ZNF236: variants seen among roughly 807,000 people sequenced by gnomAD.
ZNF236 encodes zinc finger protein 236.
In ZNF236, 50 loss-of-function variants were observed where a neutral mutation model predicts 191.2. The ratio of observed to expected loss-of-function variants is 0.26; its 90% CI spans 0.21 to 0.33. The LOEUF is 0.33. Among genes scored for constraint, ZNF236 ranks in the 10% least tolerant of loss-of-function variants. ZNF236 has a pLI of 1.00. For missense variants in ZNF236, 1,754 were observed against 2,374.5 expected, an observed-to-expected ratio of 0.74 and a Z score of 5.43; for synonymous variants, 907 against 928.8, an observed-to-expected ratio of 0.98 and a Z score of 0.43.
intron 3 of ZNF236, among the ~76,000 whole-genome samples, chr18:76,862,600 C>T (rs1356020039): frequency 6.6e-6 from 1 of 152,192 alleles, no homozygotes; most frequent in Non-Finnish European, 1.5e-5. Context: ...AGGGAGTGTT[C>T]TGATTCTCCC....
intron 9 of ZNF236, chr18:76,887,071 C>T (rs1156522541): frequency 6.5e-6 from 1 of 153,510 alleles, no homozygotes; most frequent in Non-Finnish European, 1.5e-5. Flanking sequence ...GACTGTAGTA[C>T]TTGTTAAAAA....
At chr18:76,828,828 A>T (rs1780549360) in intron 1 of ZNF236, among the ~76,000 whole-genome samples, 1 of 151,990 alleles carries the variant, frequency 6.6e-6, no homozygotes, top group South Asian at 2.1e-4. Context: ...CACCATGCCC[A>T]GCTAATTTTT....
intron 26 of ZNF236, among the ~76,000 whole-genome samples, chr18:76,939,382 G>A (rs140104131): frequency 8.9e-4 from 136 of 152,222 alleles, no homozygotes; most frequent in African/African-American, 3.0e-3. Flanking sequence ...AGGTGTAAAT[G>A]ACTGGGGTGT....
intron 20 of ZNF236, among the ~76,000 whole-genome samples, chr18:76,922,063 A>G (rs190108966): frequency 2.0e-5 from 3 of 152,288 alleles, no homozygotes. Flanking sequence ...AAATTTTTAC[A>G]TATCAATGAG....
chr18:76,867,698 C>A (rs1335075196), intron 3 of ZNF236, among the ~76,000 whole-genome samples: 4 of 152,180 alleles, frequency 2.6e-5, no homozygotes, highest in Non-Finnish European at 2.9e-5. Flanking sequence ...ACTAAGTCAG[C>A]AATGGCTACT....
rs1297704440 is a variant in ZNF236 at position 76,895,096 on chromosome 18, C to T, written c.1501C>T (p.Arg501Cys). ...GTTCCGCAAGCCCAGCGACCTGGTC[C>T]GCCACATCCGCATCCACACCCACGA... Reference protein sequence around the residue: ...KEFRKPSDLVRHIRIHTHEKP... With the variant: ...KEFRKPSDLVCHIRIHTHEKP... The change falls in exon 10 of 31, where the codon CGC becomes TGC. Residue 501 changes from arginine to cysteine, a missense_variant. Coordinates refer to ENST00000320610, the MANE Select transcript of ZNF236 (RefSeq NM_001306089.2). 1 of 1,611,740 alleles carries T rather than the reference C, an allele frequency of 6.2e-7. No individual in the cohort carries two copies. The highest frequency in any genetic ancestry group is 8.5e-7 in the Non-Finnish European group (1 of 1,180,008).
At chr18:76,862,920 A>G (rs1367853199) in intron 3 of ZNF236, among the ~76,000 whole-genome samples, 3 of 152,234 alleles carry the variant, frequency 2.0e-5, no homozygotes, top group South Asian at 2.1e-4. Context: ...GAGCCTGGAC[A>G]TTGGAATTAC....
At chr18:76,942,775 A>G (rs1968162661) in intron 26 of ZNF236, among the ~76,000 whole-genome samples, 1 of 150,160 alleles carries the variant, frequency 6.7e-6, no homozygotes. Context: ...TGGCCTCACA[A>G]AGTGCTGGGA....
Position 76,960,979 on chromosome 18 carries a change from G to C in ZNF236, c.5419+124G>C. On this transcript the variant is annotated intron_variant, in intron 30 of 30. Transcript: ENST00000320610. The surrounding 1 kb of genome is among the most constrained non-coding windows in gnomAD (Gnocchi z 4.4). The stretch of plus-strand genomic sequence containing the variant: ...CATTGCACGTGGTACAGCCTCAGTT[G>C]TGTGGACTGGAAGCTTGTGCTTTAT... 1 of 1,050,820 alleles carries C rather than the reference G, an allele frequency of 9.5e-7. No individual in the cohort carries two copies. 65.1% of individuals were successfully genotyped at this position (1,050,820 alleles called of 1,614,324 possible).
chr18:76,943,666 A>G (rs989134893), intron 26 of ZNF236, among the ~76,000 whole-genome samples: 3 of 152,200 alleles, frequency 2.0e-5, no homozygotes, highest in African/African-American at 7.2e-5. Context: ...GAAATTGGCA[A>G]ATCTTATTAC....
intron 30 of ZNF236, among the ~76,000 whole-genome samples, chr18:76,962,505 T>C (rs976065348): frequency 7.2e-5 from 11 of 152,262 alleles, no homozygotes; most frequent in African/African-American, 2.7e-4. Context: ...CCTCCAGATT[T>C]GTTCTTTTTG....
chr18:76,835,061 G>A (rs963798627), intron 1 of ZNF236, among the ~76,000 whole-genome samples: 2 of 149,258 alleles, frequency 1.3e-5, no homozygotes, highest in East Asian at 4.0e-4. Flanking sequence ...CTACATTTAA[G>A]GTTGTAGGTA....
At position 76,968,514 on chromosome 18, in the gene ZNF236, A is replaced by G. The variant is rs470224; in HGVS notation, c.*175A>G. 1,365,541 of 1,377,460 alleles carry G rather than the reference A, an allele frequency of 0.99. 677,113 individuals are homozygous for G. Among genetic ancestry groups the G allele is most frequent in the East Asian group, 1 (33,663 of 33,664 alleles). 85.3% of individuals were successfully genotyped at this position (1,377,460 alleles called of 1,614,324 possible). ...CAGAGACTCATAGGAAAAAAAAACT[A>G]GGAAAAGTGTCACCGCATTGTTCTC... On this transcript the variant is annotated 3_prime_UTR_variant, in exon 31 of 31. Coordinates refer to ENST00000320610, the MANE Select transcript of ZNF236 (RefSeq NM_001306089.2).
intron 1 of ZNF236, among the ~76,000 whole-genome samples, chr18:76,835,281 T>C (rs938604369): frequency 1.3e-5 from 2 of 152,204 alleles, no homozygotes; most frequent in Non-Finnish European, 2.9e-5. Context: ...TTACCTTGAG[T>C]TATTTAATTA....
intron 1 of ZNF236, among the ~76,000 whole-genome samples, chr18:76,823,444 A>G (rs1261615785): frequency 6.6e-6 from 1 of 151,536 alleles, no homozygotes; most frequent in Non-Finnish European, 1.5e-5. Flanking sequence ...AGTAGGCACC[A>G]TTGTGATCCG....
intron 1 of ZNF236, chr18:76,824,013 C>T: frequency 3.3e-6 from 1 of 299,242 alleles, no homozygotes; most frequent in Non-Finnish European, 6.5e-6. Context: ...CTATGGGAGT[C>T]GGTGGGTTAT....
At chr18:76,844,662 C>T (rs906265634) in intron 1 of ZNF236, among the ~76,000 whole-genome samples, 1 of 152,062 alleles carries the variant, frequency 6.6e-6, no homozygotes, top group Admixed American at 6.6e-5. Flanking sequence ...ACACTGCTTA[C>T]GAGTTTGTCA....
intron 3 of ZNF236, among the ~76,000 whole-genome samples, chr18:76,861,847 G>A (rs1044360893): frequency 3.9e-5 from 6 of 152,044 alleles, no homozygotes; most frequent in Non-Finnish European, 7.4e-5. Flanking sequence ...TAATGTGGCC[G>A]TCAGCTCCCA....
intron 16 of ZNF236, among the ~76,000 whole-genome samples, chr18:76,911,524 C>T (rs781779478): frequency 6.6e-6 from 1 of 152,194 alleles, no homozygotes. Flanking sequence ...AAATCCAGTT[C>T]TGTTGTTGTG....
Sources: allele counts gnomAD v4.1 joint callset (sites outside exome capture counted in the v4.1 genomes callset), GRCh38; gene constraint gnomAD v4.1.1; non-coding constraint Gnocchi (gnomAD v3.1); transcripts MANE v1.5; gene names NCBI Gene and HGNC (gene_info 2026-07-23, HGNC 2026-07-21).